VWA8: variants seen among roughly 807,000 people sequenced by gnomAD.
VWA8 encodes von Willebrand factor A domain-containing protein 8.
Under a neutral mutation model 241.5 loss-of-function variants are expected in VWA8, and 221 were observed. The observed-to-expected ratio is 0.91, with a 90% confidence interval of 0.82 to 1.02. The LOEUF (loss-of-function observed/expected upper bound fraction) is 1.02, where lower values mean the gene tolerates loss of function less well. Among genes scored for constraint, VWA8 ranks in the 50% least tolerant of loss-of-function variants. The probability of loss-of-function intolerance (pLI) is 0.00; values close to 1 mark genes in which losing one functional copy is unlikely to be tolerated. For missense variants in VWA8, 2,322 were observed against 2,328.7 expected (o/e 1.00, Z 0.06); for synonymous variants, 852 against 827.1 (o/e 1.03, Z -0.52).
At chr13:41,716,379 T>C (rs879683915) in intron 26 of VWA8, among the ~76,000 whole-genome samples, 1 of 151,994 alleles carries the variant, frequency 6.6e-6, no homozygotes, top group Non-Finnish European at 1.5e-5. Context: ...ACTGCACTCT[T>C]TAGGAGAACA....
At chr13:41,895,828 TTTC>T in intron 4 of VWA8, among the ~76,000 whole-genome samples, 2 of 90,542 alleles carry the variant, frequency 2.2e-5, no homozygotes, top group African/African-American at 3.0e-5. Flanking sequence ...ACTTGCAAAT[TTTC>T]TTTTTTTTTT....
rs373449761 is a variant in VWA8 at position 41,952,667 on chromosome 13, C to T, written c.164-2654G>A. On this transcript the variant is annotated intron_variant, in intron 1 of 44. Transcript: ENST00000379310. ...ACATTCCCTGAGTGTTAGAGCTGAC[C>T]GACATCATCCTTCTAATAAATAATC... Among the ~76,000 whole-genome samples the T allele has an allele frequency of 3.3e-5, 5 of 151,892 alleles. No individual in the cohort carries two copies. The East Asian group carries it at 5.8e-4, about 18-fold the overall frequency.
intron 15 of VWA8, among the ~76,000 whole-genome samples, chr13:41,817,648 G>T (rs780611435): frequency 1.3e-5 from 2 of 152,044 alleles, no homozygotes; most frequent in African/African-American, 2.4e-5. Flanking sequence ...TTTTAGATGA[G>T]GAAACTATGA....
intron 21 of VWA8, among the ~76,000 whole-genome samples, chr13:41,738,371 G>A (rs888806372): frequency 6.6e-6 from 1 of 152,076 alleles, no homozygotes; most frequent in Non-Finnish European, 1.5e-5. Flanking sequence ...TTCAGAGGTA[G>A]GGTCTTGCTG....
At chr13:41,758,370 A>G (rs1187107939) in intron 21 of VWA8, among the ~76,000 whole-genome samples, 15 of 4,038 alleles carry the variant, frequency 3.7e-3, no homozygotes, top group Non-Finnish European at 0.016. Flanking sequence ...AGATACTAGC[A>G]TATATATATA....
Position 41,727,293 on chromosome 13 carries a change from T to C in VWA8, c.2659A>G (p.Arg887Gly). 6.5e-7 allele frequency: 1 copy of C among 1,544,754 alleles called. No homozygotes were observed. Among genetic ancestry groups the C allele is most frequent in the Non-Finnish European group, 8.8e-7 (1 of 1,141,666 alleles). The change falls in exon 24 of 45, where the codon AGA (arginine) becomes GGA (glycine). Residue 887 changes from arginine (R) to glycine (G), a missense_variant. Arg to Gly is a moderately radical substitution (Grantham distance 125, BLOSUM62 -2). Transcript: ENST00000379310. Reference protein sequence around the residue: ...IVANSANVNGRENVVVIHPDF... With the variant: ...IVANSANVNGGENVVVIHPDF... Reference sequence around the variant, plus strand: ...GGATGAATCACTACAACATTTTCTCTTCCATTCACATTAGCAGAATCTGAA... The same window carrying C: ...GGATGAATCACTACAACATTTTCTCCTCCATTCACATTAGCAGAATCTGAA...
intron 17 of VWA8, among the ~76,000 whole-genome samples, chr13:41,799,637 A>G (rs1228735148): frequency 6.6e-6 from 1 of 152,144 alleles, no homozygotes; most frequent in Non-Finnish European, 1.5e-5. Flanking sequence ...CCCCAAACAG[A>G]TATTAAAATC....
At chr13:41,838,499 A>G (rs1189192124) in intron 12 of VWA8, among the ~76,000 whole-genome samples, 3 of 152,208 alleles carry the variant, frequency 2.0e-5, no homozygotes, top group Non-Finnish European at 4.4e-5. Context: ...CATATAGAGT[A>G]TGACTTCAAC....
intron 39 of VWA8, among the ~76,000 whole-genome samples, chr13:41,609,197 C>T (rs1272603124): frequency 2.0e-5 from 3 of 152,136 alleles, no homozygotes; most frequent in Admixed American, 6.6e-5. Flanking sequence ...CAATTATTCA[C>T]ACAAATCACA....
intron 12 of VWA8, among the ~76,000 whole-genome samples, chr13:41,842,179 T>A (rs549157147): frequency 7.9e-5 from 12 of 152,202 alleles, no homozygotes; most frequent in African/African-American, 2.9e-4. Flanking sequence ...TGTTAATAAT[T>A]TTTAGGTCCT....
intron 12 of VWA8, among the ~76,000 whole-genome samples, chr13:41,848,122 G>A (rs1478751713): frequency 6.6e-6 from 1 of 152,178 alleles, no homozygotes; most frequent in African/African-American, 2.4e-5. Context: ...AATGTGCCAT[G>A]TTCCAGTACT....
At chr13:41,770,291 A>C (rs76881689) in intron 20 of VWA8, among the ~76,000 whole-genome samples, 1 of 151,796 alleles carries the variant, frequency 6.6e-6, no homozygotes, top group Non-Finnish European at 1.5e-5. Context: ...ATACAAAAAA[A>C]TTAGCCAGGC....
intron 43 of VWA8, among the ~76,000 whole-genome samples, chr13:41,573,124 A>AAAG (rs2044321062): frequency 6.7e-6 from 1 of 149,936 alleles, no homozygotes; most frequent in African/African-American, 2.5e-5. Context: ...AAAAAAAAAA[A>AAAG]AAAGAAACAA....
At chr13:41,882,489 A>G (rs1485444354) in intron 9 of VWA8, among the ~76,000 whole-genome samples, 7 of 152,174 alleles carry the variant, frequency 4.6e-5, no homozygotes, top group Admixed American at 1.3e-4. Context: ...CCGAGATCAC[A>G]CCACTGCACT....
intron 43 of VWA8, among the ~76,000 whole-genome samples, chr13:41,574,159 A>G (rs577051391): frequency 8.1e-5 from 12 of 147,304 alleles, no homozygotes; most frequent in Non-Finnish European, 1.8e-4. Flanking sequence ...ATCAACATTA[A>G]AGAAAAGTTT....
intron 4 of VWA8, among the ~76,000 whole-genome samples, chr13:41,896,376 A>G (rs933154373): frequency 1.3e-5 from 2 of 152,096 alleles, no homozygotes; most frequent in African/African-American, 2.4e-5. Context: ...AAAATCATGT[A>G]ATTACTGGAT....
intron 17 of VWA8, among the ~76,000 whole-genome samples, chr13:41,802,415 G>C (rs78939418): frequency 0.026 from 3,935 of 152,286 alleles, 168 homozygotes; most frequent in African/African-American, 0.09. Context: ...TTGAAAGGCT[G>C]TCTAGGCCAC....
intron 43 of VWA8, among the ~76,000 whole-genome samples, chr13:41,571,618 G>C (rs1354287833): frequency 2.0e-5 from 3 of 152,192 alleles, no homozygotes; most frequent in African/African-American, 7.2e-5. Flanking sequence ...CCGAGGTGCC[G>C]GGATTGCAGA....
chr13:41,899,538 A>C (rs759375553), intron 4 of VWA8, among the ~76,000 whole-genome samples: 4 of 152,292 alleles, frequency 2.6e-5, no homozygotes, highest in Non-Finnish European at 5.9e-5. Flanking sequence ...TTGGAAACAA[A>C]ATCTGAAACG....
Sources: allele counts gnomAD v4.1 joint callset (sites outside exome capture counted in the v4.1 genomes callset), GRCh38; gene constraint gnomAD v4.1.1; transcripts MANE v1.5; gene names NCBI Gene and HGNC (gene_info 2026-07-23, HGNC 2026-07-21).